Variants in ZNF395 observed in about 807,000 individuals in gnomAD.
ZNF395 encodes the protein HD gene regulatory region-binding protein 2.
Under a neutral mutation model 57.7 loss-of-function variants are expected in ZNF395, and 20 were observed. The observed-to-expected ratio is 0.35, with a 90% confidence interval of 0.24 to 0.50. ZNF395 has a LOEUF of 0.50. ZNF395 is among the 20% of genes least tolerant of loss of function. The pLI is 0.97. For missense variants in ZNF395, 606 were observed against 671.2 expected (o/e 0.90, Z 1.07); for synonymous variants, 295 against 275.9 (o/e 1.07, Z -0.69).
At chr8:28,348,877 C>T (rs771917915) in intron 9 of ZNF395, 47 bp from the exon 10 acceptor site, 180 of 1,592,552 alleles carry the variant, frequency 1.1e-4, no homozygotes, top group Non-Finnish European at 1.4e-4. Flanking sequence ...AGGTGGTGGG[C>T]CCAGGAGAGT....
intron 1 of ZNF395, among the ~76,000 whole-genome samples, chr8:28,369,629 GCT>G (rs886323334): frequency 2.6e-5 from 4 of 152,166 alleles, no homozygotes; most frequent in African/African-American, 9.7e-5. Flanking sequence ...TCTCTTTCCT[GCT>G]CTGTTCCCCC....
At chr8:28,362,613 T>C (rs540854250) in intron 1 of ZNF395, among the ~76,000 whole-genome samples, 34 of 152,228 alleles carry the variant, frequency 2.2e-4, no homozygotes, top group Non-Finnish European at 4.3e-4. Context: ...AAGCTATCTT[T>C]GAACAGCTGC....
intron 1 of ZNF395, chr8:28,375,253 G>A (rs1802026544): frequency 6.6e-6 from 1 of 152,340 alleles, no homozygotes; most frequent in Admixed American, 6.5e-5. Context: ...CGGGTGTGGT[G>A]GCACCTACCT....
At chr8:28,354,838 G>A (rs868542869) in intron 4 of ZNF395, among the ~76,000 whole-genome samples, 17 of 151,014 alleles carry the variant, frequency 1.1e-4, no homozygotes, top group African/African-American at 4.1e-4. Flanking sequence ...AGGGAGAGAA[G>A]GGCAGTGAGC....
chr8:28,364,227 G>A (rs1801883252), intron 1 of ZNF395, among the ~76,000 whole-genome samples: 1 of 152,200 alleles, frequency 6.6e-6, no homozygotes, highest in African/African-American at 2.4e-5. Flanking sequence ...ACTCACGTCT[G>A]TCTGGTGTCA....
chr8:28,370,446 G>A (rs1214941081), intron 1 of ZNF395, among the ~76,000 whole-genome samples: 1 of 152,324 alleles, frequency 6.6e-6, no homozygotes, highest in Non-Finnish European at 1.5e-5. Flanking sequence ...AATAACTGTG[G>A]GCATGAGAAT....
chr8:28,351,298 C>A (rs923012135), intron 7 of ZNF395, 197 bp downstream of exon 7: 3 of 557,922 alleles, frequency 5.4e-6, no homozygotes, highest in Admixed American at 6.4e-5. Context: ...CTCATGACAG[C>A]TGCCAATGTA....
At chr8:28,353,899 G>A (rs949806236) in intron 4 of ZNF395, among the ~76,000 whole-genome samples, 4 of 152,122 alleles carry the variant, frequency 2.6e-5, no homozygotes, top group Admixed American at 2.0e-4. Context: ...TACAGCTGAC[G>A]CCAACTTAAA....
chr8:28,386,092 GGCCGCGGCCCTGCCCGCCCTCCC>G (rs1159101587), intron 1 of ZNF395: 2 of 147,072 alleles, frequency 1.4e-5, no homozygotes, highest in African/African-American at 4.9e-5. Flanking sequence ...GGGCTGCAGC[GGCCGCGGCCCTGCCCGCCCTCCC>G]GGCGCGGCCC....
intron 7 of ZNF395, 110 bp from the exon 8 acceptor site, chr8:28,350,266 T>G: frequency 1.1e-6 from 1 of 895,602 alleles, no homozygotes; most frequent in Non-Finnish European, 1.7e-6. Context: ...TCTGCGTAAG[T>G]GCAATGACCA....
rs1801720751 is a variant in ZNF395 at position 28,352,038 on chromosome 8, G to A, written c.921-231C>T. Among the ~76,000 whole-genome samples the A allele has an allele frequency of 6.6e-6, 1 of 152,184 alleles. No homozygotes were observed. Among genetic ancestry groups the A allele is most frequent in the Non-Finnish European group, 1.5e-5 (1 of 68,028 alleles). ...TAAGGCTCATTCTCTCCCGGAACAT[G>A]TGCCAACCTCTCCTCTGGCAGGAGG... On this transcript the variant is annotated intron_variant, in intron 6 of 9. Transcript: ENST00000344423. This position sits in a 1 kb window ranked among gnomAD's most constrained non-coding sequence, Gnocchi z 4.0.
intron 3 of ZNF395, among the ~76,000 whole-genome samples, chr8:28,358,275 A>C (rs1481176818): frequency 6.7e-6 from 1 of 149,678 alleles, no homozygotes; most frequent in Non-Finnish European, 1.5e-5. Flanking sequence ...ATGCCCAGCT[A>C]ATTTTTCTAT....
chr8:28,361,964 G>A (rs1292682720), intron 1 of ZNF395, among the ~76,000 whole-genome samples: 1 of 151,978 alleles, frequency 6.6e-6, no homozygotes, highest in Non-Finnish European at 1.5e-5. Context: ...GGTGGCACAT[G>A]CCTGTAATCC....
At chr8:28,381,755 C>A (rs1308869856) in intron 1 of ZNF395, among the ~76,000 whole-genome samples, 1 of 152,094 alleles carries the variant, frequency 6.6e-6, no homozygotes, top group Non-Finnish European at 1.5e-5. Flanking sequence ...AAGGTATGAC[C>A]TCGACATCAC....
At position 28,352,679 on chromosome 8, in the gene ZNF395, G is replaced by C. The variant is rs1405083400; in HGVS notation, c.820-6C>G. The C allele has an allele frequency of 1.9e-6, 3 of 1,612,786 alleles. No individual in the cohort carries two copies. The highest frequency in any genetic ancestry group is 2.5e-6 in the Non-Finnish European group (3 of 1,178,922). On this transcript the variant is annotated splice_polypyrimidine_tract_variant and splice_region_variant and intron_variant, in intron 5 of 9. Transcript: ENST00000344423. This position sits in a 1 kb window ranked among gnomAD's most constrained non-coding sequence, Gnocchi z 4.0. ...TACATCACCTTCACAGAGTTCTACAGGAAAGGAAGACAGGGTGAGTGGATA... is the reference window on the plus strand; with the variant it reads ...TACATCACCTTCACAGAGTTCTACACGAAAGGAAGACAGGGTGAGTGGATA...
chr8:28,384,404 A>T (rs1802146057), intron 1 of ZNF395, among the ~76,000 whole-genome samples: 1 of 152,294 alleles, frequency 6.6e-6, no homozygotes, highest in Admixed American at 6.5e-5. Flanking sequence ...GTCAGCCTCC[A>T]GTCCTGGTGA....
chr8:28,363,886 G>A (rs892135456), intron 1 of ZNF395, among the ~76,000 whole-genome samples: 3 of 151,966 alleles, frequency 2.0e-5, no homozygotes, highest in East Asian at 1.9e-4. Context: ...TGCCGGATTC[G>A]CATGGAGCTG....
At chr8:28,360,380 C>A (rs908583375) in intron 2 of ZNF395, among the ~76,000 whole-genome samples, 10 of 152,180 alleles carry the variant, frequency 6.6e-5, no homozygotes, top group African/African-American at 2.2e-4. Context: ...CAGAAGAGAA[C>A]CCCAGGCACC....
intron 1 of ZNF395, among the ~76,000 whole-genome samples, chr8:28,377,106 A>G (rs907861236): frequency 1.2e-4 from 19 of 152,236 alleles, no homozygotes; most frequent in African/African-American, 4.6e-4. Flanking sequence ...TAATCCAAAA[A>G]TATCAGGAAG....
Sources: gnomAD v4.1 joint callset for allele counts (sites outside exome capture counted in the v4.1 genomes callset) on GRCh38, gnomAD v4.1.1 for gene constraint, Gnocchi (gnomAD v3.1) non-coding constraint, MANE v1.5 for transcripts, NCBI Gene and HGNC (gene_info 2026-07-23, HGNC 2026-07-21) for gene names.